PDCL: variants seen among roughly 807,000 people sequenced by gnomAD.
The protein encoded by PDCL is phosducin like.
A neutral mutation model predicts 26.7 loss-of-function variants in PDCL; 11 were observed. That is an observed-to-expected ratio of 0.41 (90% confidence interval 0.26 to 0.68). The LOEUF (loss-of-function observed/expected upper bound fraction) is 0.68. Ranked by LOEUF, PDCL falls within the 30% of genes least tolerant of loss-of-function variation. PDCL has a pLI of 0.30. For synonymous variants in PDCL, 118 were observed against 134.9 expected, an observed-to-expected ratio of 0.87 and a Z score of 0.87; for missense variants, 330 against 371.6, an observed-to-expected ratio of 0.89 and a Z score of 0.92.
In PDCL at chr9:122,820,199, A is replaced by G. The variant is rs768672957; in HGVS notation, c.792T>C (p.Leu264=). The change falls in exon 4 of 4, where the codon CTT becomes CTC. Residue 264 remains leucine (L), a synonymous_variant. Transcript: ENST00000259467. ...QLGDDFFAVD[L]EAFLQEFGLL... is the part of the protein sequence containing the mutation. ...ATCCAAATTCCTGGAGAAAAGCTTCAAGGTCCACAGCAAAGAAATCATCCC... is the reference window on the plus strand; with the variant it reads ...ATCCAAATTCCTGGAGAAAAGCTTCGAGGTCCACAGCAAAGAAATCATCCC... 6.2e-7 allele frequency: 1 copy of G among 1,614,172 alleles called. No individual in the cohort carries two copies. The highest frequency in any genetic ancestry group is 2.2e-5 in the East Asian group (1 of 44,880).
At chr9:122,827,825 G>GA (rs778375335) in intron 1 of PDCL, among the ~76,000 whole-genome samples, 51 of 152,178 alleles carry the variant, frequency 3.4e-4, no homozygotes, top group Non-Finnish European at 6.0e-4. Flanking sequence ...TTAGCCCCCA[G>GA]AGGCCTGCTT....
At position 122,819,357 on chromosome 9, in the gene PDCL, CAA is replaced by C. The variant is rs1829525171; in HGVS notation, c.*726_*727del. 6.6e-6 allele frequency: 1 copy of C among 150,818 alleles called. No homozygotes were observed. The highest frequency in any genetic ancestry group is 1.5e-5 in the Non-Finnish European group (1 of 67,650). 9.3% of individuals were successfully genotyped at this position (150,818 alleles called of 1,614,324 possible). A position where few individuals can be genotyped will look rare whatever the true frequency, so the allele number is the denominator to read the frequency against. Reference sequence around the variant, plus strand: ...TTAAACAAAAAGTTACCTTGTTAAACAAAAAAGAGACAAAGACAAGCAGGGGC... The same window carrying C: ...TTAAACAAAAAGTTACCTTGTTAAACAAAAGAGACAAAGACAAGCAGGGGC... On this transcript the variant is annotated 3_prime_UTR_variant, in exon 4 of 4. Coordinates refer to ENST00000259467, the MANE Select transcript of PDCL (RefSeq NM_005388.5).
rs1829575590 is a variant in PDCL at position 122,823,212 on chromosome 9, C to T, written c.173-15G>A. The T allele has an allele frequency of 6.2e-7, 1 of 1,613,364 alleles. No individual in the cohort carries two copies. Among genetic ancestry groups the T allele is most frequent in the Admixed American group, 1.7e-5 (1 of 59,984 alleles). On this transcript the variant is annotated splice_polypyrimidine_tract_variant and intron_variant, in intron 2 of 3. Transcript: ENST00000259467. Reference sequence around the variant, plus strand: ...ACCTTTTGGGCCTGAGTAGGGTGAACACGGATGTGACCAAGGAGAATGGGC... The same window carrying T: ...ACCTTTTGGGCCTGAGTAGGGTGAATACGGATGTGACCAAGGAGAATGGGC...
intron 2 of PDCL, among the ~76,000 whole-genome samples, chr9:122,825,056 A>T (rs1350705826): frequency 6.6e-6 from 1 of 152,226 alleles, no homozygotes; most frequent in Admixed American, 6.5e-5. Context: ...CTAAAAAAAA[A>T]TTAAACTGGA....
Position 122,820,176 on chromosome 9 carries a change from C to A in PDCL, c.815G>T (p.Gly272Val). Residue 272 changes from glycine to valine, a missense_variant, in exon 4 of 4, where the codon GGA (glycine) becomes GTA (valine). Transcript: ENST00000259467. The part of the protein sequence containing the change: ...VDLEAFLQEF[G>V]LLPEKEVLVL... ...CAAGACTTCCTTTTCTGGGAGTAAT[C>A]CAAATTCCTGGAGAAAAGCTTCAAG... 6.2e-7 allele frequency: 1 copy of A among 1,614,126 alleles called. No homozygotes were observed. The highest frequency in any genetic ancestry group is 8.5e-7 in the Non-Finnish European group (1 of 1,180,020).
chr9:122,827,977 G>A (rs1270535910), intron 1 of PDCL, among the ~76,000 whole-genome samples: 1 of 152,062 alleles, frequency 6.6e-6, no homozygotes, highest in African/African-American at 2.4e-5. Context: ...CCAAAGCCCA[G>A]CACAATGCCG....
rs918791845 is a variant in PDCL at position 122,818,515 on chromosome 9, G to A, written c.*1570C>T. 1.3e-5 allele frequency: 2 copies of A among 151,352 alleles called. No homozygotes were observed. The highest frequency in any genetic ancestry group is 2.4e-5 in the African/African-American group (1 of 41,158). The allele number at this position is 151,352 out of a possible 1,614,324, so 9.4% of individuals were successfully genotyped here. ...TAAGCTAGACTAACAATACTTCCCT[G>A]CTTCTAATAATTTTCAATACATTCC... On this transcript the variant is annotated 3_prime_UTR_variant, in exon 4 of 4. Transcript: ENST00000259467.
rs750846814 is a variant in PDCL at position 122,820,485 on chromosome 9, C to G, written c.506G>C (p.Gly169Ala). ...TTCTTTATCAATCATGTCTAAAAACCCTTCTCCACTGGAGATCTCAAAAAC... is the reference window on the plus strand; with the variant it reads ...TTCTTTATCAATCATGTCTAAAAACGCTTCTCCACTGGAGATCTCAAAAAC... The part of the protein sequence containing the change: ...KQVFEISSGE[G>A]FLDMIDKEQK... The change falls in exon 4 of 4, where the codon GGG (glycine) becomes GCG (alanine). Residue 169 changes from glycine to alanine, a missense_variant. Transcript: ENST00000259467. 1 of 1,613,950 alleles carries G rather than the reference C, an allele frequency of 6.2e-7. No individual in the cohort carries two copies. Among genetic ancestry groups the G allele is most frequent in the African/African-American group, 1.3e-5 (1 of 74,860 alleles).
At position 122,828,500 on chromosome 9, in the gene PDCL, G is replaced by C. The variant is rs1017752665; in HGVS notation, c.-35C>G. On this transcript the variant is annotated 5_prime_UTR_variant, in exon 1 of 4. Coordinates refer to ENST00000259467, the MANE Select transcript of PDCL (RefSeq NM_005388.5). ...CCTAGCTCGCTCCGGATCCCTTTGG[G>C]CCAGCAGCTCCGGGCGCCGGAAGGA... The C allele has an allele frequency of 2.0e-5, 3 of 152,310 alleles. No individual in the cohort carries two copies. Among genetic ancestry groups the C allele is most frequent in the African/African-American group, 7.2e-5 (3 of 41,470 alleles). The allele number at this position is 152,310 out of a possible 1,614,324, so 9.4% of individuals were successfully genotyped here.
At chr9:122,821,829 GGT>G (rs1458087613) in intron 3 of PDCL, among the ~76,000 whole-genome samples, 1 of 151,996 alleles carries the variant, frequency 6.6e-6, no homozygotes, top group African/African-American at 2.4e-5. Context: ...CCCCTGCCCC[GGT>G]GCAGCAAGAC....
chr9:122,821,195 A>G (rs1482814151), intron 3 of PDCL, among the ~76,000 whole-genome samples: 1 of 152,136 alleles, frequency 6.6e-6, no homozygotes, highest in East Asian at 1.9e-4. Context: ...AGTAAGCATA[A>G]GACCAGTACT....
At chr9:122,825,082 G>T (rs1245900277) in intron 2 of PDCL, among the ~76,000 whole-genome samples, 1 of 151,852 alleles carries the variant, frequency 6.6e-6, no homozygotes, top group Non-Finnish European at 1.5e-5. Flanking sequence ...ACTGCACCCT[G>T]CATCAAAGTG....
rs764724315 is a variant in PDCL at position 122,820,146 on chromosome 9, A to G, written c.845T>C (p.Leu282Pro). ...CGTGGCAGAGTTACGCACAGATGTCAGCACCAAGACTTCCTTTTCTGGGAG... is the reference window on the plus strand; with the variant it reads ...CGTGGCAGAGTTACGCACAGATGTCGGCACCAAGACTTCCTTTTCTGGGAG... Reference protein sequence around the residue: ...GLLPEKEVLVLTSVRNSATCH... With the variant: ...GLLPEKEVLVPTSVRNSATCH... The change falls in exon 4 of 4, where the codon CTG becomes CCG. Residue 282 changes from leucine (L) to proline (P), a missense_variant. Leu to Pro is a moderately conservative substitution (Grantham distance 98). Coordinates refer to ENST00000259467, the MANE Select transcript of PDCL (RefSeq NM_005388.5). 6.2e-7 allele frequency: 1 copy of G among 1,614,172 alleles called. No individual in the cohort carries two copies. Among genetic ancestry groups the G allele is most frequent in the Non-Finnish European group, 8.5e-7 (1 of 1,180,008 alleles).
At position 122,819,606 on chromosome 9, in the gene PDCL, T is replaced by A. The variant is rs1317358695; in HGVS notation, c.*479A>T. 1.3e-5 allele frequency: 2 copies of A among 152,060 alleles called. No homozygotes were observed. The highest frequency in any genetic ancestry group is 3.8e-4 in the East Asian group (2 of 5,196). The allele number at this position is 152,060 out of a possible 1,614,324, so 9.4% of individuals were successfully genotyped here. A position where few individuals can be genotyped will look rare whatever the true frequency, so the allele number is the denominator to read the frequency against. On this transcript the variant is annotated 3_prime_UTR_variant, in exon 4 of 4. Transcript: ENST00000259467. ...CTCACCCCTTTAAACAAGACCCTGG[T>A]GGGGAAAAAAAAAATCTAACCACCG...
intron 2 of PDCL, among the ~76,000 whole-genome samples, chr9:122,823,770 ATT>A (rs5900545): frequency 3.6e-5 from 5 of 137,204 alleles, no homozygotes; most frequent in Admixed American, 7.3e-5. Context: ...TATTATCTGA[ATT>A]TTTTTTTTTT....
At position 122,818,222 on chromosome 9, in the gene PDCL, C is replaced by T. The variant is rs1829509204; in HGVS notation, c.*1863G>A. The T allele has an allele frequency of 6.6e-6, 1 of 152,202 alleles. No homozygotes were observed. 9.4% of individuals were successfully genotyped at this position (152,202 alleles called of 1,614,324 possible). On this transcript the variant is annotated 3_prime_UTR_variant, in exon 4 of 4. Transcript: ENST00000259467. ...GGTGGAGGTTGCAGTGAGCCGAGAT[C>T]ACGCTATTGTACTCCAGCCTGGGTG...
chr9:122,819,767 C>G lies in PDCL; in HGVS notation c.*318G>C. On this transcript the variant is annotated 3_prime_UTR_variant, in exon 4 of 4. Coordinates refer to ENST00000259467, the MANE Select transcript of PDCL (RefSeq NM_005388.5). ...ACTTGGCAGAGACCTCTAAGATCAT[C>G]TGAAGACAATTTCCAAGACCCTGTC... 1 of 224,072 alleles carries G rather than the reference C, an allele frequency of 4.5e-6. No homozygotes were observed. The highest frequency in any genetic ancestry group is 8.6e-6 in the Non-Finnish European group (1 of 115,820). The allele number at this position is 224,072 out of a possible 1,614,324, so 13.9% of individuals were successfully genotyped here.
Position 122,826,693 on chromosome 9 carries a change from C to T in PDCL, c.95G>A (p.Arg32Gln), listed in dbSNP as rs760445119. Residue 32 changes from arginine to glutamine, a missense_variant, in exon 2 of 4, where the codon CGA (arginine) becomes CAA (glutamine). Transcript: ENST00000259467. Reference sequence around the variant, plus strand: ...ACTGCTGGCTGGGGCACATCTGCCTCGGTCCTTGTCCTCGTGGTCACTGTC... The same window carrying T: ...ACTGCTGGCTGGGGCACATCTGCCTTGGTCCTTGTCCTCGTGGTCACTGTC... ...DEDSDHEDKDRGRCAPASSSV... is the reference protein window; with the variant it reads ...DEDSDHEDKDQGRCAPASSSV... 2.5e-6 allele frequency: 4 copies of T among 1,614,190 alleles called. No homozygotes were observed. The highest frequency in any genetic ancestry group is 1.1e-5 in the South Asian group (1 of 91,086).
chr9:122,828,229 G>A (rs1335260338), intron 1 of PDCL, among the ~76,000 whole-genome samples: 1 of 152,122 alleles, frequency 6.6e-6, no homozygotes, highest in Non-Finnish European at 1.5e-5. Context: ...GCCCCCTGGA[G>A]ACGCGAGCAG....
Sources: gnomAD v4.1 joint callset for allele counts (sites outside exome capture counted in the v4.1 genomes callset) on GRCh38, gnomAD v4.1.1 for gene constraint, MANE v1.5 for transcripts, NCBI Gene and HGNC (gene_info 2026-07-23, HGNC 2026-07-21) for gene names.